Variants in MID1 observed in about 807,000 individuals in gnomAD.
MID1 encodes the protein midline 1.
Under a neutral mutation model 40.4 loss-of-function variants are expected in MID1, and 7 were observed. That is an observed-to-expected ratio of 0.17 (90% confidence interval 0.10 to 0.33). The LOEUF (loss-of-function observed/expected upper bound fraction) is 0.33. Among genes scored for constraint, MID1 ranks in the 10% least tolerant of loss-of-function variants. The probability of loss-of-function intolerance (pLI) is 1.00; values close to 1 mark genes in which losing one functional copy is unlikely to be tolerated. For synonymous variants in MID1, 229 were observed against 221.2 expected (o/e 1.04, Z -0.31); for missense variants, 367 against 558.5 (o/e 0.66, Z 3.46).
chrX:10,604,655 AT>A (rs1203150215), intron 1 of MID1, among the ~76,000 whole-genome samples: 1 of 112,341 alleles, frequency 8.9e-6, no homozygotes, highest in African/African-American at 3.2e-5. Flanking sequence ...ATGCTATCTT[AT>A]GTTATAACTT....
rs182032681 is a variant in MID1, at chrX:10,577,397, C to T, written c.-56-9794G>A. ...CTTGTTCATTTAAAAAAATAATATA[C>T]ACATTATTTTGTGCCTTTATCTTCT... On this transcript the variant is annotated intron_variant, in intron 1 of 9. Transcript: ENST00000317552. 1.3e-3 allele frequency among the ~76,000 whole-genome samples: 143 copies of T among 111,572 alleles called. 4 individuals are homozygous for T. In the East Asian group the frequency reaches 0.038, roughly 30 times the overall value.
chrX:10,819,519 G>C (rs1015200603), intron 1 of MID1, among the ~76,000 whole-genome samples: 24 of 109,799 alleles, frequency 2.2e-4, no homozygotes, highest in Non-Finnish European at 2.7e-4. Flanking sequence ...TTTCCCTTTG[G>C]TACACACTCT....
rs1349354684 is a variant in MID1, at chrX:10,533,403, G to GA, written c.661-10217dup. On this transcript the variant is annotated intron_variant, in intron 2 of 9. Coordinates refer to ENST00000317552, the MANE Select transcript of MID1 (RefSeq NM_000381.4). ...AAAAGAAAGAAAGAAAAGAAAGAAA[G>GA]AAAGAAAGAAAGAAAGAAAGAAAGA... Among the ~76,000 whole-genome samples, 168 of 72,874 alleles carry GA rather than the reference G, an allele frequency of 2.3e-3. No individual in the cohort carries two copies. The South Asian group carries it at 0.057, about 25-fold the overall frequency. The allele number at this position is 72,874 out of a possible 115,157, so 63.3% of individuals were successfully genotyped here.
At chrX:10,709,443 G>C (rs990405829) in intron 1 of MID1, among the ~76,000 whole-genome samples, 1 of 112,217 alleles carries the variant, frequency 8.9e-6, no homozygotes, top group Non-Finnish European at 1.9e-5. Flanking sequence ...TTAATATCTG[G>C]GAGAGACAGA....
intron 1 of MID1, among the ~76,000 whole-genome samples, chrX:10,654,886 T>C (rs984456532): frequency 2.1e-4 from 24 of 112,401 alleles, no homozygotes; most frequent in African/African-American, 7.4e-4. Context: ...TCCACAAATA[T>C]TGATTGAGTG....
intron 1 of MID1, among the ~76,000 whole-genome samples, chrX:10,718,303 G>A (rs1035878541): frequency 3.6e-5 from 4 of 111,540 alleles, no homozygotes; most frequent in Admixed American, 1.9e-4. Context: ...CTCCTAGCAC[G>A]ACTAATAAAG....
chrX:10,727,404 C>T (rs950186165), intron 1 of MID1, among the ~76,000 whole-genome samples: 2 of 113,053 alleles, frequency 1.8e-5, no homozygotes, highest in African/African-American at 3.2e-5. Context: ...CAGGCGTGAG[C>T]CACTGTGCCC....
At chrX:10,633,080 G>A (rs965322449) in intron 1 of MID1, among the ~76,000 whole-genome samples, 27 of 111,550 alleles carry the variant, frequency 2.4e-4, no homozygotes, top group Non-Finnish European at 1.1e-4. Context: ...TGCCTCTTTG[G>A]CATAATAATT....
intron 1 of MID1, among the ~76,000 whole-genome samples, chrX:10,654,531 T>C (rs2042856537): frequency 9.0e-6 from 1 of 111,705 alleles, no homozygotes; most frequent in South Asian, 3.8e-4. Flanking sequence ...ATCCCTCGCA[T>C]GCACGGTTCA....
chrX:10,687,747 T>C (rs192971405), intron 1 of MID1, among the ~76,000 whole-genome samples: 1 of 112,181 alleles, frequency 8.9e-6, no homozygotes, highest in Admixed American at 9.5e-5. Context: ...AGGGTCTTGT[T>C]CTGTCACCCA....
chrX:10,510,828 CTCAAAAAAAAAAAAAAAAAA>C (rs1286132381), intron 3 of MID1, among the ~76,000 whole-genome samples: 1 of 52,228 alleles, frequency 1.9e-5, no homozygotes, highest in African/African-American at 8.9e-5. Flanking sequence ...AAGACTCTGT[CTCAAAAAAAAAAAAAAAAAA>C]AAAAAAGAAA....
chrX:10,751,964 A>T (rs754049865), intron 1 of MID1, among the ~76,000 whole-genome samples: 21 of 108,669 alleles, frequency 1.9e-4, no homozygotes, highest in Admixed American at 2.9e-4. Context: ...ACAGTCTGGG[A>T]CCTCCCCCTT....
chrX:10,633,374 A>C (rs1328917910), intron 1 of MID1, among the ~76,000 whole-genome samples: 3 of 111,746 alleles, frequency 2.7e-5, no homozygotes, highest in African/African-American at 6.5e-5. Context: ...CTTTGTTAAA[A>C]GGGTATGTTA....
chrX:10,588,853 C>G (rs1378936746), intron 1 of MID1, among the ~76,000 whole-genome samples: 1 of 111,681 alleles, frequency 9.0e-6, no homozygotes, highest in Non-Finnish European at 1.9e-5. Flanking sequence ...AAACAAGGGA[C>G]TTGTCTAGGC....
At chrX:10,591,577 G>A (rs374587796) in intron 1 of MID1, among the ~76,000 whole-genome samples, 3 of 111,813 alleles carry the variant, frequency 2.7e-5, no homozygotes, top group South Asian at 3.7e-4. Flanking sequence ...TGACTTCACC[G>A]AAGGGAGCTT....
chrX:10,477,183 C>A (rs970654357), intron 5 of MID1, among the ~76,000 whole-genome samples: 6 of 112,965 alleles, frequency 5.3e-5, no homozygotes, highest in African/African-American at 1.9e-4. Context: ...ACCAAACTTG[C>A]AATTGCATTT....
At chrX:10,500,163 C>T (rs1486676805) in intron 3 of MID1, among the ~76,000 whole-genome samples, 1 of 111,906 alleles carries the variant, frequency 8.9e-6, no homozygotes, top group Non-Finnish European at 1.9e-5. Flanking sequence ...GAAAAAGTAT[C>T]CCAGTTGCCA....
At chrX:10,756,980 G>A (rs188652644) in intron 1 of MID1, among the ~76,000 whole-genome samples, 2 of 111,773 alleles carry the variant, frequency 1.8e-5, no homozygotes, top group East Asian at 5.6e-4. Flanking sequence ...TCACCTCTAT[G>A]ACATGAATAC....
intron 1 of MID1, among the ~76,000 whole-genome samples, chrX:10,832,357 T>G (rs1437087505): frequency 1.8e-5 from 2 of 112,662 alleles, no homozygotes; most frequent in South Asian, 3.6e-4. Context: ...ATGACTTGCA[T>G]TTTTTAAAAA....
Sources: gnomAD v4.1 joint callset for allele counts (sites outside exome capture counted in the v4.1 genomes callset) on GRCh38, gnomAD v4.1.1 for gene constraint, MANE v1.5 for transcripts, NCBI Gene and HGNC (gene_info 2026-07-23, HGNC 2026-07-21) for gene names.